The following ZSWIM6 variants were observed in gnomAD, a reference collection of about 807,000 sequenced individuals.
ZSWIM6 encodes zinc finger SWIM-type containing 6.
A neutral mutation model predicts 113.2 loss-of-function variants in ZSWIM6; 9 were observed. The ratio of observed to expected loss-of-function variants is 0.08; its 90% CI spans 0.05 to 0.14. The LOEUF (loss-of-function observed/expected upper bound fraction) is 0.14. ZSWIM6 is among the 10% of genes least tolerant of loss of function. The probability of loss-of-function intolerance (pLI) is 1.00; values close to 1 mark genes in which losing one functional copy is unlikely to be tolerated. For synonymous variants in ZSWIM6, 611 were observed against 606.5 expected (o/e 1.01, Z -0.11); for missense variants, 1,162 against 1,552.2 (o/e 0.75, Z 4.22).
chr5:61,366,794 T>C (rs866522488), intron 1 of ZSWIM6, among the ~76,000 whole-genome samples: 36 of 152,024 alleles, frequency 2.4e-4, no homozygotes, highest in African/African-American at 6.0e-4. Flanking sequence ...CCAGACGTGA[T>C]GGCGCACACC....
At chr5:61,350,046 C>G (rs1177571487) in intron 1 of ZSWIM6, among the ~76,000 whole-genome samples, 2 of 152,158 alleles carry the variant, frequency 1.3e-5, no homozygotes, top group Non-Finnish European at 2.9e-5. Flanking sequence ...GCTTAAGACT[C>G]AATTTGCATA....
At chr5:61,467,159 T>C (rs1006692565) in intron 1 of ZSWIM6, among the ~76,000 whole-genome samples, 2 of 152,224 alleles carry the variant, frequency 1.3e-5, no homozygotes, top group Admixed American at 6.5e-5. Context: ...CTCTTAATAA[T>C]GGAAGTGCCC....
At chr5:61,532,753 T>G (rs969679577) in intron 9 of ZSWIM6, among the ~76,000 whole-genome samples, 8 of 152,228 alleles carry the variant, frequency 5.3e-5, no homozygotes, top group Admixed American at 4.6e-4. Context: ...AGTGGTAATT[T>G]TTTGAAGCAC....
At chr5:61,517,055 C>G (rs546211340) in intron 4 of ZSWIM6, among the ~76,000 whole-genome samples, 2 of 152,080 alleles carry the variant, frequency 1.3e-5, no homozygotes, top group Non-Finnish European at 2.9e-5. Context: ...TTGATTTTCT[C>G]TGTTTTCAAG....
intron 1 of ZSWIM6, among the ~76,000 whole-genome samples, chr5:61,394,785 G>T (rs537963851): frequency 1.3e-5 from 2 of 152,184 alleles, no homozygotes; most frequent in African/African-American, 4.8e-5. Context: ...AGTAAAGCTT[G>T]TGCAAAAATG....
At chr5:61,537,649 G>T (rs971611606) in intron 10 of ZSWIM6, among the ~76,000 whole-genome samples, 1 of 151,684 alleles carries the variant, frequency 6.6e-6, no homozygotes, top group Non-Finnish European at 1.5e-5. Flanking sequence ...ACATCTTTTT[G>T]TTCCTAAATA....
At chr5:61,388,227 C>A (rs944520532) in intron 1 of ZSWIM6, among the ~76,000 whole-genome samples, 2 of 152,034 alleles carry the variant, frequency 1.3e-5, no homozygotes, top group Non-Finnish European at 1.5e-5. Context: ...ATGTGATCCA[C>A]CCACCTCAGC....
At chr5:61,344,522 T>G (rs1016028806) in intron 1 of ZSWIM6, among the ~76,000 whole-genome samples, 9 of 152,234 alleles carry the variant, frequency 5.9e-5, no homozygotes, top group Non-Finnish European at 1.2e-4. Flanking sequence ...CCTCTGTCCT[T>G]TCCTTTCTTG....
At position 61,544,424 on chromosome 5, in the gene ZSWIM6, T is replaced by G; in HGVS notation, c.*107T>G. The G allele has an allele frequency of 1.8e-5, 12 of 669,066 alleles. No homozygotes were observed. Among genetic ancestry groups the G allele is most frequent in the Non-Finnish European group, 2.8e-5 (11 of 399,846 alleles). 41.4% of individuals were successfully genotyped at this position (669,066 alleles called of 1,614,324 possible). On this transcript the variant is annotated 3_prime_UTR_variant, in exon 14 of 14. Coordinates refer to ENST00000252744, the MANE Select transcript of ZSWIM6 (RefSeq NM_020928.2). ...AACTTAAAGAACAGAGCCACACCGG[T>G]ATTATATGTGTATAGTTATATTGCG...
chr5:61,462,105 G>T (rs1001562019), intron 1 of ZSWIM6, among the ~76,000 whole-genome samples: 2 of 152,202 alleles, frequency 1.3e-5, no homozygotes, highest in Admixed American at 1.3e-4. Flanking sequence ...TTTGAGGAGA[G>T]CTGGAGCTCT....
intron 2 of ZSWIM6, among the ~76,000 whole-genome samples, chr5:61,489,121 T>C (rs1307262648): frequency 1.3e-5 from 2 of 152,060 alleles, no homozygotes; most frequent in African/African-American, 4.8e-5. Flanking sequence ...ATTTCTTCCA[T>C]GCACCATGTT....
At chr5:61,405,037 C>A (rs562536995) in intron 1 of ZSWIM6, among the ~76,000 whole-genome samples, 4 of 152,238 alleles carry the variant, frequency 2.6e-5, no homozygotes, top group Non-Finnish European at 5.9e-5. Context: ...ACAAATAAGG[C>A]CATAAATACG....
Position 61,531,722 on chromosome 5 carries a change from G to C in ZSWIM6, c.2242G>C (p.Glu748Gln), listed in dbSNP as rs907160520. 6.4e-7 allele frequency: 1 copy of C among 1,551,220 alleles called. No homozygotes were observed. The highest frequency in any genetic ancestry group is 1.4e-5 in the African/African-American group (1 of 73,064). ...IFRKQAVFLL[E>Q]AGPYSGLGEI... The stretch of plus-strand genomic sequence containing the variant: ...TCGCAAGCAAGCAGTCTTCCTATTA[G>C]AAGGTAGCCTGATACAGAAGTTTTC... The change falls in exon 9 of 14, where the codon GAA (glutamate) becomes CAA (glutamine). Residue 748 changes from glutamate to glutamine, a missense_variant. Coordinates refer to ENST00000252744, the MANE Select transcript of ZSWIM6 (RefSeq NM_020928.2).
intron 1 of ZSWIM6, among the ~76,000 whole-genome samples, chr5:61,420,996 T>C (rs1000053656): frequency 6.6e-6 from 1 of 152,060 alleles, no homozygotes; most frequent in South Asian, 2.1e-4. Flanking sequence ...CTTGGATCAC[T>C]GCAACCTCTG....
chr5:61,426,553 CTA>C (rs1348124098), intron 1 of ZSWIM6, among the ~76,000 whole-genome samples: 1 of 152,148 alleles, frequency 6.6e-6, no homozygotes, highest in African/African-American at 2.4e-5. Context: ...AAACTTTTAA[CTA>C]ATCTGTTCAT....
At chr5:61,399,362 A>T (rs2112101406) in intron 1 of ZSWIM6, among the ~76,000 whole-genome samples, 1 of 152,038 alleles carries the variant, frequency 6.6e-6, no homozygotes, top group East Asian at 1.9e-4. Flanking sequence ...AATTACTAAC[A>T]TTGGCATTCC....
chr5:61,505,128 G>C (rs1748567416), intron 4 of ZSWIM6, among the ~76,000 whole-genome samples: 1 of 152,162 alleles, frequency 6.6e-6, no homozygotes, highest in Non-Finnish European at 1.5e-5. Flanking sequence ...ACTATTGGAT[G>C]AGCCATGAAA....
Position 61,454,945 on chromosome 5 carries a change from G to A in ZSWIM6, c.677-17736G>A, listed in dbSNP as rs1747171953. Among the ~76,000 whole-genome samples the A allele has an allele frequency of 1.4e-5, 2 of 144,622 alleles. 1 individual carries two copies. Among genetic ancestry groups the A allele is most frequent in the South Asian group, 4.4e-4 (2 of 4,596 alleles). 94.9% of individuals were successfully genotyped at this position (144,622 alleles called of 152,430 possible). On this transcript the variant is annotated intron_variant, in intron 1 of 13. Coordinates refer to ENST00000252744, the MANE Select transcript of ZSWIM6 (RefSeq NM_020928.2). ...CCATCACATTCTCCAGCTTCATCTT[G>A]TAGATTCTTTGTCCCAGTCCTAGAA...
At chr5:61,528,062 C>CT (rs373114840) in intron 7 of ZSWIM6, among the ~76,000 whole-genome samples, 170 of 152,124 alleles carry the variant, frequency 1.1e-3, no homozygotes, top group African/African-American at 3.9e-3. Context: ...TTAGGTATTG[C>CT]TAGGATTACA....
Sources: allele counts gnomAD v4.1 joint callset (sites outside exome capture counted in the v4.1 genomes callset), GRCh38; gene constraint gnomAD v4.1.1; transcripts MANE v1.5; gene names NCBI Gene and HGNC (gene_info 2026-07-23, HGNC 2026-07-21).